SOX5: variants seen among roughly 807,000 people sequenced by gnomAD.
SOX5 encodes the protein SRY-box transcription factor 5, also known as transcription factor SOX-5.
SOX5 carries 9 observed loss-of-function variants against 92.0 expected under a neutral mutation model. The ratio of observed to expected loss-of-function variants is 0.10; its 90% CI spans 0.06 to 0.17. The LOEUF is 0.17. Among genes scored for constraint, SOX5 ranks in the 10% least tolerant of loss-of-function variants. The pLI is 1.00. For synonymous variants in SOX5, 344 were observed against 336.3 expected, an observed-to-expected ratio of 1.02 and a Z score of -0.25; for missense variants, 642 against 944.5, an observed-to-expected ratio of 0.68 and a Z score of 4.20.
At chr12:23,813,978 A>T (rs1258482832) in intron 3 of SOX5, among the ~76,000 whole-genome samples, 1 of 152,200 alleles carries the variant, frequency 6.6e-6, no homozygotes, top group Admixed American at 6.5e-5. Context: ...TTGACATATA[A>T]GCAATAATGA....
At chr12:23,848,242 C>A (rs1357795582) in intron 2 of SOX5, among the ~76,000 whole-genome samples, 2 of 152,040 alleles carry the variant, frequency 1.3e-5, no homozygotes. Flanking sequence ...TTGAAAATTA[C>A]AATGAAATCA....
At chr12:24,364,589 A>G (rs1367956480) in intron 2 of SOX5, among the ~76,000 whole-genome samples, 1 of 147,052 alleles carries the variant, frequency 6.8e-6, no homozygotes, top group Non-Finnish European at 1.5e-5. Context: ...TGAGAAATTC[A>G]CTTTTCCTCC....
intron 4 of SOX5, among the ~76,000 whole-genome samples, chr12:24,167,295 T>C (rs532256456): frequency 1.3e-5 from 2 of 152,196 alleles, no homozygotes; most frequent in Non-Finnish European, 2.9e-5. Context: ...TTATACTAAA[T>C]ATATTAAAAG....
rs1938370842 is a variant in SOX5 at position 24,245,077 on chromosome 12, T to G, written c.-76-31660A>C. Among the ~76,000 whole-genome samples the G allele has an allele frequency of 2.0e-5, 3 of 152,034 alleles. No individual in the cohort carries two copies. In the South Asian group the frequency reaches 6.2e-4, roughly 32 times the overall value. On this transcript the variant is annotated intron_variant, in intron 3 of 4. Transcript: ENST00000446891. ...ATCCTGATTAGGTGAAATCCTCCCA[T>G]TAGAGGGCTCATCACAGTGTTTACT...
At chr12:24,353,957 A>G (rs1201217204) in intron 2 of SOX5, among the ~76,000 whole-genome samples, 1 of 152,162 alleles carries the variant, frequency 6.6e-6, no homozygotes, top group Admixed American at 6.5e-5. Context: ...ATTCTCAACA[A>G]ACACTTGAAG....
At chr12:24,545,736 C>T (rs1447174253) in intron 1 of SOX5, among the ~76,000 whole-genome samples, 3 of 152,196 alleles carry the variant, frequency 2.0e-5, no homozygotes, top group Non-Finnish European at 2.9e-5. Flanking sequence ...CCAGGAGTAT[C>T]GGCTGCTGGA....
intron 2 of SOX5, among the ~76,000 whole-genome samples, chr12:24,359,478 T>C (rs1029467352): frequency 3.3e-5 from 5 of 152,198 alleles, no homozygotes; most frequent in African/African-American, 1.2e-4. Context: ...ATAATACCTT[T>C]TGAAATGTTT....
At chr12:24,448,537 C>T (rs1357922397) in intron 1 of SOX5, among the ~76,000 whole-genome samples, 1 of 152,136 alleles carries the variant, frequency 6.6e-6, no homozygotes, top group Non-Finnish European at 1.5e-5. Context: ...CTACAGGGGA[C>T]TTCTTGGTAT....
intron 4 of SOX5, among the ~76,000 whole-genome samples, chr12:24,133,839 T>A (rs978482397): frequency 2.0e-5 from 3 of 152,004 alleles, no homozygotes; most frequent in Non-Finnish European, 4.4e-5. Flanking sequence ...GCCAGAGAAA[T>A]GCAAATAGGG....
intron 4 of SOX5, among the ~76,000 whole-genome samples, chr12:24,015,089 T>C (rs1364082117): frequency 6.6e-6 from 1 of 152,058 alleles, no homozygotes; most frequent in Non-Finnish European, 1.5e-5. Flanking sequence ...TCTCTTTCTC[T>C]TTCTGTCTCT....
intron 6 of SOX5, among the ~76,000 whole-genome samples, chr12:23,727,673 T>G (rs1207494141): frequency 6.6e-6 from 1 of 152,124 alleles, no homozygotes; most frequent in Non-Finnish European, 1.5e-5. Context: ...AGAGTGGCAA[T>G]AGGGAGCTAG....
intron 9 of SOX5, chr12:23,582,215 G>A: frequency 2.0e-6 from 2 of 985,020 alleles, no homozygotes; most frequent in Non-Finnish European, 2.4e-6. Flanking sequence ...CTACCTCTAT[G>A]GACTGTGGGA....
intron 3 of SOX5, among the ~76,000 whole-genome samples, chr12:24,256,742 T>C (rs1941259597): frequency 1.3e-5 from 2 of 152,114 alleles, no homozygotes; most frequent in East Asian, 1.9e-4. Context: ...GCATGGCCCA[T>C]CCTGCACAAA....
At chr12:24,275,609 T>C (rs1382752475) in intron 3 of SOX5, among the ~76,000 whole-genome samples, 1 of 152,118 alleles carries the variant, frequency 6.6e-6, no homozygotes, top group African/African-American at 2.4e-5. Context: ...GTTAAATCTA[T>C]CTAAAATCTT....
chr12:23,986,175 T>C (rs945687089), intron 4 of SOX5, among the ~76,000 whole-genome samples: 1 of 152,182 alleles, frequency 6.6e-6, no homozygotes, highest in Non-Finnish European at 1.5e-5. Context: ...GAGGGGTATT[T>C]TGCCCACCAA....
At chr12:24,114,093 C>T (rs1039166131) in intron 4 of SOX5, among the ~76,000 whole-genome samples, 2 of 151,980 alleles carry the variant, frequency 1.3e-5, no homozygotes, top group Non-Finnish European at 2.9e-5. Context: ...TGAGGTCTGC[C>T]CATTGATAAG....
intron 2 of SOX5, among the ~76,000 whole-genome samples, chr12:24,344,408 A>G (rs1609505): frequency 2.0e-5 from 3 of 151,576 alleles, no homozygotes; most frequent in South Asian, 2.1e-4. Context: ...GCGATTTGGT[A>G]TCTGACACAG....
chr12:24,273,098 T>C (rs1943974826), intron 3 of SOX5, among the ~76,000 whole-genome samples: 1 of 152,084 alleles, frequency 6.6e-6, no homozygotes, highest in African/African-American at 2.4e-5. Flanking sequence ...CAGCCAAGCA[T>C]GGTGACATGT....
chr12:24,118,721 C>T (rs1004560878), intron 4 of SOX5, among the ~76,000 whole-genome samples: 5 of 152,028 alleles, frequency 3.3e-5, no homozygotes, highest in African/African-American at 4.8e-5. Flanking sequence ...ATTTAATTGA[C>T]CTACATTATT....
Sources: allele counts gnomAD v4.1 joint callset (sites outside exome capture counted in the v4.1 genomes callset), GRCh38; gene constraint gnomAD v4.1.1; transcripts MANE v1.5; gene names NCBI Gene and HGNC (gene_info 2026-07-23, HGNC 2026-07-21).